ADAMTS6: variants seen among roughly 807,000 people sequenced by gnomAD.
The protein encoded by ADAMTS6 is ADAM metallopeptidase with thrombospondin type 1 motif 6.
ADAMTS6 carries 23 observed loss-of-function variants against 144.3 expected under a neutral mutation model. That is an observed-to-expected ratio of 0.16 (90% CI 0.11 to 0.23). The LOEUF is 0.23. Among genes scored for constraint, ADAMTS6 ranks in the 10% least tolerant of loss-of-function variants. The pLI, the probability that ADAMTS6 is intolerant of heterozygous loss-of-function variation, is 1.00. For missense variants in ADAMTS6, 999 were observed against 1,379.6 expected (o/e 0.72, Z 4.37); for synonymous variants, 444 against 457.5 (o/e 0.97, Z 0.38).
intron 7 of ADAMTS6, among the ~76,000 whole-genome samples, chr5:65,389,135 C>T (rs1279660640): frequency 1.3e-5 from 2 of 151,746 alleles, no homozygotes; most frequent in African/African-American, 4.8e-5. Context: ...ACCCGGGAGG[C>T]GGAGCTTGCA....
intron 7 of ADAMTS6, among the ~76,000 whole-genome samples, chr5:65,374,955 A>T (rs1348092819): frequency 6.6e-6 from 1 of 152,116 alleles, no homozygotes; most frequent in Non-Finnish European, 1.5e-5. Context: ...AAATAATGCC[A>T]CATATCTACA....
chr5:65,473,610 G>A lies in ADAMTS6; in HGVS notation c.64C>T (p.His22Tyr). 1 of 1,613,758 alleles carries A rather than the reference G, an allele frequency of 6.2e-7. No individual in the cohort carries two copies. Among genetic ancestry groups the A allele is most frequent in the Middle Eastern group, 1.6e-4 (1 of 6,062 alleles). ...LSLIMASSEF[H>Y]SDHRLSYSSQ... The stretch of plus-strand genomic sequence containing the variant: ...CTGTATGAAAGCCTGTGGTCACTAT[G>A]AAATTCCGATGAAGCCATGATGAGG... Residue 22 changes from histidine to tyrosine, a missense_variant, in exon 2 of 25, where the codon CAT (histidine) becomes TAT (tyrosine). Transcript: ENST00000381055.
At chr5:65,158,507 A>G (rs556876989) in intron 24 of ADAMTS6, among the ~76,000 whole-genome samples, 9 of 152,346 alleles carry the variant, frequency 5.9e-5, no homozygotes, top group African/African-American at 1.7e-4. Flanking sequence ...GAAAAGACTC[A>G]CTATATAAAC....
chr5:65,389,223 G>T (rs1297720697), intron 7 of ADAMTS6, among the ~76,000 whole-genome samples: 2 of 151,732 alleles, frequency 1.3e-5, no homozygotes, highest in African/African-American at 2.4e-5. Context: ...AAAAAAGAAA[G>T]AAAGAAATAA....
chr5:65,393,372 G>T (rs1753085286), intron 7 of ADAMTS6, among the ~76,000 whole-genome samples: 1 of 152,078 alleles, frequency 6.6e-6, no homozygotes, highest in South Asian at 2.1e-4. Flanking sequence ...GTATATTAAT[G>T]CATGTTTGTA....
At chr5:65,197,519 A>G (rs1465379019) in intron 20 of ADAMTS6, among the ~76,000 whole-genome samples, 2 of 152,282 alleles carry the variant, frequency 1.3e-5, no homozygotes, top group Non-Finnish European at 2.9e-5. Context: ...ATGCATTTCA[A>G]TGCAAAACAA....
chr5:65,247,243 C>T (rs1396223479), intron 14 of ADAMTS6, among the ~76,000 whole-genome samples: 1 of 152,212 alleles, frequency 6.6e-6, no homozygotes, highest in Non-Finnish European at 1.5e-5. Flanking sequence ...TTTATCACCA[C>T]TCTCTTTCCC....
At chr5:65,239,125 G>T (rs943153385) in intron 15 of ADAMTS6, among the ~76,000 whole-genome samples, 10 of 152,182 alleles carry the variant, frequency 6.6e-5, no homozygotes, top group Admixed American at 5.2e-4. Flanking sequence ...TGTGGGGTAG[G>T]GGGAGGGGGG....
intron 18 of ADAMTS6, among the ~76,000 whole-genome samples, chr5:65,222,885 G>T (rs1757429653): frequency 6.6e-6 from 1 of 151,454 alleles, no homozygotes. Context: ...AAATTAAAAG[G>T]CACTTCAAAA....
intron 7 of ADAMTS6, among the ~76,000 whole-genome samples, chr5:65,422,021 C>T (rs1403879569): frequency 1.3e-5 from 2 of 152,126 alleles, no homozygotes; most frequent in African/African-American, 4.8e-5. Flanking sequence ...AAACAGACAA[C>T]CCACAAAGTG....
intron 23 of ADAMTS6, among the ~76,000 whole-genome samples, chr5:65,172,411 C>T (rs1753690362): frequency 6.7e-6 from 1 of 148,904 alleles, no homozygotes; most frequent in Admixed American, 6.6e-5. Context: ...GAGACTCCAT[C>T]TCAAAAGAAA....
intron 10 of ADAMTS6, among the ~76,000 whole-genome samples, chr5:65,294,429 A>G (rs2112773744): frequency 6.6e-6 from 1 of 152,262 alleles, no homozygotes; most frequent in East Asian, 1.9e-4. Context: ...AGGCTGGTCT[A>G]GAACTCCTGG....
intron 3 of ADAMTS6, among the ~76,000 whole-genome samples, chr5:65,462,418 G>A (rs181306381): frequency 1.9e-4 from 29 of 152,288 alleles, no homozygotes; most frequent in African/African-American, 6.5e-4. Flanking sequence ...CTAATTTCAA[G>A]AATGAAAAGA....
chr5:65,425,242 G>A (rs1016832644), intron 7 of ADAMTS6, among the ~76,000 whole-genome samples: 9 of 152,156 alleles, frequency 5.9e-5, no homozygotes, highest in Non-Finnish European at 1.2e-4. Flanking sequence ...TGGCAAGGCT[G>A]GTCTTGAACT....
chr5:65,477,934 C>T (rs556381998), intron 1 of ADAMTS6, among the ~76,000 whole-genome samples: 2 of 152,026 alleles, frequency 1.3e-5, no homozygotes, highest in South Asian at 4.2e-4. Flanking sequence ...TTGAGACCAG[C>T]CTGGCCAACA....
intron 7 of ADAMTS6, among the ~76,000 whole-genome samples, chr5:65,337,326 A>G (rs1029341850): frequency 6.6e-6 from 1 of 152,114 alleles, no homozygotes; most frequent in Non-Finnish European, 1.5e-5. Context: ...CTTTTAGTTT[A>G]TTATTTACAT....
chr5:65,196,311 C>T (rs1333541737), intron 21 of ADAMTS6, among the ~76,000 whole-genome samples: 19 of 151,814 alleles, frequency 1.3e-4, no homozygotes, highest in Admixed American at 6.5e-4. Flanking sequence ...CCGAGGCGGG[C>T]GGATCACGAG....
chr5:65,476,392 G>A (rs1380619410), intron 1 of ADAMTS6, among the ~76,000 whole-genome samples: 1 of 152,082 alleles, frequency 6.6e-6, no homozygotes, highest in Non-Finnish European at 1.5e-5. Flanking sequence ...CTAAGTTTGT[G>A]GTAATTTGTT....
At chr5:65,304,131 G>C (rs1361968599) in intron 9 of ADAMTS6, among the ~76,000 whole-genome samples, 1 of 152,162 alleles carries the variant, frequency 6.6e-6, no homozygotes, top group Non-Finnish European at 1.5e-5. Flanking sequence ...GATGCAGATA[G>C]TTGTCTCAAG....
Sources: gnomAD v4.1 joint callset for allele counts (sites outside exome capture counted in the v4.1 genomes callset) on GRCh38, gnomAD v4.1.1 for gene constraint, MANE v1.5 for transcripts, NCBI Gene and HGNC (gene_info 2026-07-23, HGNC 2026-07-21) for gene names.